The following SLC2A9 variants were observed in gnomAD, a reference collection of about 807,000 sequenced individuals.
SLC2A9 encodes the protein solute carrier family 2 member 9, also known as solute carrier family 2, facilitated glucose transporter member 9.
A neutral mutation model predicts 50.6 loss-of-function variants in SLC2A9; 39 were observed. The observed-to-expected ratio is 0.77, with a 90% confidence interval of 0.60 to 1.01. The LOEUF is 1.01. Ranked by LOEUF, SLC2A9 falls within the 50% of genes least tolerant of loss-of-function variation. The probability of loss-of-function intolerance (pLI) is 0.00; values close to 1 mark genes in which losing one functional copy is unlikely to be tolerated. For missense variants in SLC2A9, 686 were observed against 677.6 expected, an observed-to-expected ratio of 1.01 and a Z score of -0.14; for synonymous variants, 324 against 276.9, an observed-to-expected ratio of 1.17 and a Z score of -1.69.
chr4:10,029,539 A>T (rs6856396), intron 1 of SLC2A9, among the ~76,000 whole-genome samples: 125,983 of 149,808 alleles, frequency 0.84, 52,994 homozygotes, highest in East Asian at 0.98. Flanking sequence ...GACAAGAGGA[A>T]TTTTTTAAAT....
intron 5 of SLC2A9, among the ~76,000 whole-genome samples, chr4:9,956,310 C>T (rs2108887318): frequency 6.9e-6 from 1 of 143,892 alleles, no homozygotes; most frequent in East Asian, 2.0e-4. Context: ...GGTGAAACCC[C>T]ATGTCTACTA....
chr4:9,903,459 C>A (rs955024263), intron 8 of SLC2A9, among the ~76,000 whole-genome samples: 1 of 152,100 alleles, frequency 6.6e-6, no homozygotes, highest in Admixed American at 6.6e-5. Flanking sequence ...ACTGGAAGTT[C>A]ACTCATCAGA....
intron 10 of SLC2A9, among the ~76,000 whole-genome samples, chr4:9,861,819 T>A (rs61233382): frequency 0.067 from 10,234 of 152,136 alleles, 797 homozygotes; most frequent in East Asian, 0.25. Flanking sequence ...CGTAGGTGCT[T>A]AAAAACTACT....
intron 10 of SLC2A9, chr4:9,879,714 T>C (rs1039708951): frequency 5.1e-6 from 5 of 985,292 alleles, no homozygotes; most frequent in African/African-American, 1.7e-5. Flanking sequence ...AAACTCCCCA[T>C]AGAGGACTTA....
chr4:9,816,578 T>G (rs1424272502), intron 3 of SLC2A9, among the ~76,000 whole-genome samples: 1 of 152,176 alleles, frequency 6.6e-6, no homozygotes, highest in African/African-American at 2.4e-5. Context: ...CATGAGGTGA[T>G]GATATGTTAA....
At chr4:10,016,013 C>G (rs1762548008) in intron 2 of SLC2A9, among the ~76,000 whole-genome samples, 1 of 152,196 alleles carries the variant, frequency 6.6e-6, no homozygotes, top group African/African-American at 2.4e-5. Context: ...GCAGATGGCT[C>G]AGTCCTGGAC....
intron 3 of SLC2A9, among the ~76,000 whole-genome samples, chr4:9,799,692 A>AT (rs1553813205): frequency 1.4e-5 from 1 of 69,810 alleles, no homozygotes; most frequent in South Asian, 7.0e-4. Flanking sequence ...TTCCAATTGT[A>AT]CCCCCCCCCC....
At chr4:9,830,754 G>A (rs1458492500) in intron 11 of SLC2A9, among the ~76,000 whole-genome samples, 1 of 152,204 alleles carries the variant, frequency 6.6e-6, no homozygotes, top group Non-Finnish European at 1.5e-5. Flanking sequence ...CCACACTGGA[G>A]AGTGTTTTTC....
intron 3 of SLC2A9, among the ~76,000 whole-genome samples, chr4:9,784,322 G>A (rs1279748491): frequency 6.6e-6 from 1 of 152,078 alleles, no homozygotes; most frequent in Non-Finnish European, 1.5e-5. Flanking sequence ...AGTAACATAA[G>A]ACAACTCTCC....
chr4:9,795,160 G>T (rs1349215247), downstream of SLC2A9, among the ~76,000 whole-genome samples: 1 of 151,794 alleles, frequency 6.6e-6, no homozygotes, highest in Non-Finnish European at 1.5e-5. Flanking sequence ...ACAGGTGCAC[G>T]CCCCCACACT....
chr4:9,819,043 T>C (rs1724028715), intron 3 of SLC2A9, among the ~76,000 whole-genome samples: 1 of 137,436 alleles, frequency 7.3e-6, no homozygotes, highest in East Asian at 2.1e-4. Context: ...GGCGTGAACC[T>C]GGGAGGTGGA....
At chr4:9,879,473 A>G in intron 10 of SLC2A9, 1 of 985,266 alleles carries the variant, frequency 1.0e-6, no homozygotes, top group Non-Finnish European at 1.2e-6. Context: ...TGCGGGATAG[A>G]GAGGGAGGGC....
intron 10 of SLC2A9, among the ~76,000 whole-genome samples, chr4:9,848,619 C>T (rs1040762600): frequency 2.6e-5 from 4 of 151,778 alleles, no homozygotes; most frequent in Non-Finnish European, 5.9e-5. Context: ...CTCTTGGGTG[C>T]TTGACAGATG....
downstream of SLC2A9, among the ~76,000 whole-genome samples, chr4:9,824,184 T>C (rs981326394): frequency 6.6e-6 from 1 of 151,978 alleles, no homozygotes; most frequent in African/African-American, 2.4e-5. Context: ...GAGACCCCAG[T>C]GAACAAACTT....
At chr4:10,000,613 A>G (rs971682395) in intron 2 of SLC2A9, among the ~76,000 whole-genome samples, 6 of 152,194 alleles carry the variant, frequency 3.9e-5, no homozygotes, top group Non-Finnish European at 8.8e-5. Flanking sequence ...AGTTTTGGCT[A>G]CATGCTTTTC....
At chr4:9,925,949 G>T (rs1302908569) in intron 6 of SLC2A9, among the ~76,000 whole-genome samples, 3 of 152,140 alleles carry the variant, frequency 2.0e-5, no homozygotes, top group African/African-American at 7.2e-5. Flanking sequence ...GACACCTTCA[G>T]AGCACAGCAG....
chr4:9,848,397 T>C (rs1344855668), intron 10 of SLC2A9, among the ~76,000 whole-genome samples: 1 of 151,020 alleles, frequency 6.6e-6, no homozygotes, highest in Non-Finnish European at 1.5e-5. Flanking sequence ...TCTCCAGGAA[T>C]GGGCATGAGA....
intron 6 of SLC2A9, among the ~76,000 whole-genome samples, chr4:9,937,139 G>C (rs560971426): frequency 6.6e-6 from 1 of 152,302 alleles, no homozygotes; most frequent in African/African-American, 2.4e-5. Flanking sequence ...CTCTGCTTCA[G>C]CAAAACCCTA....
upstream of SLC2A9, chr4:10,026,017 G>T (rs758122675): frequency 6.3e-7 from 1 of 1,588,932 alleles, no homozygotes; most frequent in East Asian, 2.2e-5. Context: ...CTGAGAAAGA[G>T]AAAAAGAAAG....
Sources: allele counts gnomAD v4.1 joint callset (sites outside exome capture counted in the v4.1 genomes callset), GRCh38; gene constraint gnomAD v4.1.1; transcripts MANE v1.5; gene names NCBI Gene and HGNC (gene_info 2026-07-23, HGNC 2026-07-21).